The following USP28 variants were observed in gnomAD, a reference collection of about 807,000 sequenced individuals.
USP28 encodes ubiquitin carboxyl-terminal hydrolase 28.
A neutral mutation model predicts 145.0 loss-of-function variants in USP28; 113 were observed. The ratio of observed to expected loss-of-function variants is 0.78; its 90% CI spans 0.67 to 0.91. The LOEUF is 0.91. Ranked by LOEUF, USP28 falls within the 40% of genes least tolerant of loss-of-function variation. The pLI is 0.00. For missense variants in USP28, 1,201 were observed against 1,289.6 expected (o/e 0.93, Z 1.05); for synonymous variants, 447 against 450.9 (o/e 0.99, Z 0.11).
At chr11:113,867,765 C>T (rs1948425287) in intron 1 of USP28, among the ~76,000 whole-genome samples, 1 of 140,652 alleles carries the variant, frequency 7.1e-6, no homozygotes, top group South Asian at 2.3e-4. Context: ...AATAAGGAAA[C>T]CTGTATACAC....
At chr11:113,854,904 T>TA (rs1946879278) in intron 1 of USP28, among the ~76,000 whole-genome samples, 1 of 152,248 alleles carries the variant, frequency 6.6e-6, no homozygotes, top group South Asian at 2.1e-4. Flanking sequence ...AATGGACACT[T>TA]AAAAGTTCTC....
At chr11:113,837,856 T>C (rs1944742526) in intron 5 of USP28, among the ~76,000 whole-genome samples, 2 of 152,298 alleles carry the variant, frequency 1.3e-5, no homozygotes, top group Middle Eastern at 3.4e-3. Flanking sequence ...CTTCAAATTT[T>C]TGGAAATCCT....
At chr11:113,815,191 A>G in exon 14 of USP28, 2 of 1,614,124 alleles carry the variant, frequency 1.2e-6, no homozygotes, top group Non-Finnish European at 8.5e-7. Flanking sequence ...ATCTTGTTCA[A>G]TCTCACTCCT....
At chr11:113,855,469 G>A (rs1489045472) in intron 1 of USP28, among the ~76,000 whole-genome samples, 1 of 152,206 alleles carries the variant, frequency 6.6e-6, no homozygotes, top group East Asian at 1.9e-4. Context: ...CTAAGGTTAT[G>A]CTTAAATTAA....
At chr11:113,817,508 GAC>G (rs1423435120) in intron 13 of USP28, 148 bp downstream of exon 13, 2 of 879,338 alleles carry the variant, frequency 2.3e-6, no homozygotes, top group Admixed American at 2.9e-5. Flanking sequence ...CCACCCAAGT[GAC>G]AGTCAGCAAA....
rs111243604 is a variant in USP28, at chr11:113,817,843, C to T, written c.1284-6G>A. ...CTGAGCCATATTTCACATACCTAAG[C>T]GACAAAGACAGTGGTACTCTACTGC... On this transcript the variant is annotated splice_polypyrimidine_tract_variant and splice_region_variant and intron_variant, in intron 12 of 24. Transcript: ENST00000003302. The T allele has an allele frequency of 7.1e-5, 115 of 1,613,738 alleles. No individual in the cohort carries two copies. The highest frequency in any genetic ancestry group is 2.5e-4 in the East Asian group (11 of 44,886).
At chr11:113,873,656 C>T (rs891685205) in intron 1 of USP28, among the ~76,000 whole-genome samples, 2 of 152,188 alleles carry the variant, frequency 1.3e-5, no homozygotes, top group African/African-American at 2.4e-5. Context: ...AGTCTCCAAA[C>T]TAAAATTTTC....
exon 14 of USP28, chr11:113,815,329 T>C (rs1192684013): frequency 3.7e-6 from 6 of 1,614,054 alleles, no homozygotes; most frequent in Non-Finnish European, 5.1e-6. Flanking sequence ...TAAAGAATCT[T>C]CAGGAGAAGA....
At chr11:113,870,329 C>T (rs1948690911) in intron 1 of USP28, among the ~76,000 whole-genome samples, 2 of 152,134 alleles carry the variant, frequency 1.3e-5, no homozygotes, top group Non-Finnish European at 2.9e-5. Context: ...GAGTTCAAGA[C>T]CAGCCTGGGC....
chr11:113,840,723 A>G (rs774943984), exon 5 of USP28: 2 of 1,614,162 alleles, frequency 1.2e-6, no homozygotes, highest in Admixed American at 1.7e-5. Context: ...TTTCTCTTTG[A>G]GCGTTTAGTT....
chr11:113,801,861 C>T (rs185913704), intron 23 of USP28, among the ~76,000 whole-genome samples, 183 bp from the exon 25 acceptor site: 3 of 152,246 alleles, frequency 2.0e-5, no homozygotes, highest in Admixed American at 6.5e-5. Context: ...TTTAGATGAC[C>T]GGGACACTGG....
At chr11:113,843,460 T>C (rs910510431) in intron 3 of USP28, among the ~76,000 whole-genome samples, 1 of 151,840 alleles carries the variant, frequency 6.6e-6, no homozygotes, top group Non-Finnish European at 1.5e-5. Flanking sequence ...TCACCTGAGA[T>C]TGGGAGTTCG....
intron 3 of USP28, among the ~76,000 whole-genome samples, chr11:113,851,008 C>A (rs139297268): frequency 6.6e-6 from 1 of 152,272 alleles, no homozygotes; most frequent in East Asian, 1.9e-4. Context: ...TGGTTAAATG[C>A]TTCAGTTGCT....
At chr11:113,829,432 A>G in intron 9 of USP28, 87 bp from the exon 10 acceptor site, 1 of 1,517,874 alleles carries the variant, frequency 6.6e-7, no homozygotes, top group Non-Finnish European at 8.9e-7. Context: ...AACATTTTAA[A>G]TTCAGCAACT....
intron 1 of USP28, among the ~76,000 whole-genome samples, chr11:113,868,817 G>T (rs919806546): frequency 6.6e-6 from 1 of 151,294 alleles, no homozygotes. Context: ...CAGCTACTCT[G>T]TAGGCTGAGG....
chr11:113,859,437 G>A (rs892017535), intron 1 of USP28: 1 of 151,916 alleles, frequency 6.6e-6, no homozygotes, highest in Non-Finnish European at 1.5e-5. Flanking sequence ...TTCATGAAGT[G>A]TTCCATAATT....
At chr11:113,862,873 A>G (rs1947836977) in intron 1 of USP28, among the ~76,000 whole-genome samples, 1 of 152,208 alleles carries the variant, frequency 6.6e-6, no homozygotes, top group Non-Finnish European at 1.5e-5. Context: ...AACTAGGAAT[A>G]AAAGGTAATT....
intron 18 of USP28, chr11:113,808,020 G>T: frequency 2.4e-6 from 3 of 1,238,498 alleles, no homozygotes; most frequent in African/African-American, 1.5e-5. Context: ...CGACTTCAGA[G>T]ACCTCAGAAT....
At chr11:113,799,982 T>TA (rs1354698545) in intron 24 of USP28, among the ~76,000 whole-genome samples, 1 of 152,042 alleles carries the variant, frequency 6.6e-6, no homozygotes, top group African/African-American at 2.4e-5. Context: ...ACTATCAACT[T>TA]AAACACTTGA....
Sources: gnomAD v4.1 joint callset for allele counts (sites outside exome capture counted in the v4.1 genomes callset) on GRCh38, gnomAD v4.1.1 for gene constraint, MANE v1.5 for transcripts, NCBI Gene and HGNC (gene_info 2026-07-23, HGNC 2026-07-21) for gene names.